The following GRID2IP variants were observed in gnomAD, a reference collection of about 807,000 sequenced individuals.
GRID2IP encodes the protein Grid2 interacting protein.
Under a neutral mutation model 114.3 loss-of-function variants are expected in GRID2IP, and 78 were observed. That is an observed-to-expected ratio of 0.68 (90% CI 0.57 to 0.82). GRID2IP has a LOEUF of 0.82. Among genes scored for constraint, GRID2IP ranks in the 40% least tolerant of loss-of-function variants. The probability of loss-of-function intolerance (pLI) is 0.00; values close to 1 mark genes in which losing one functional copy is unlikely to be tolerated. For missense variants in GRID2IP, 1,727 were observed against 1,678.5 expected (o/e 1.03, Z -0.51); for synonymous variants, 809 against 724.0 (o/e 1.12, Z -1.89).
In GRID2IP at chr7:6,551,085, G is replaced by A. The variant is rs1476348170; in HGVS notation, c.352C>T (p.Leu118Phe). The change falls in exon 1 of 22, where the codon CTT (leucine) becomes TTT (phenylalanine). Residue 118 changes from leucine (L) to phenylalanine (F), a missense_variant. By Grantham distance (22) the Leu-to-Phe change is conservative (BLOSUM62 0). Coordinates refer to ENST00000457091, the MANE Select transcript of GRID2IP (RefSeq NM_001145118.2). ...GRGLALGRELLRLAGRKRPDA... is the reference protein window; with the variant it reads ...GRGLALGRELFRLAGRKRPDA... ...GGGCGCTTGCGGCCGGCCAGGCGAA[G>A]CAGCTCACGGCCCAGAGCTAGGCCG... The A allele has an allele frequency of 5.3e-6, 7 of 1,315,936 alleles. No homozygotes were observed. The highest frequency in any genetic ancestry group is 1.5e-5 in the African/African-American group (1 of 64,780). 81.5% of individuals were successfully genotyped at this position (1,315,936 alleles called of 1,614,324 possible). A position where few individuals can be genotyped will look rare whatever the true frequency, so the allele number is the denominator to read the frequency against.
rs540293993 is a variant in GRID2IP at position 6,538,075 on chromosome 7, C to T, written c.584+1643G>A. On this transcript the variant is annotated intron_variant, in intron 2 of 21. Transcript: ENST00000457091. ...GAGGTCCTTGGCACACATTCATCAT[C>T]ATCACCAAAGGGTCGGGCACCGTGG... 1.6e-4 allele frequency among the ~76,000 whole-genome samples: 24 copies of T among 152,164 alleles called. 1 individual carries two copies. In the South Asian group the frequency reaches 3.9e-3, roughly 25 times the overall value.
At chr7:6,501,387 T>C (rs915658241) in intron 20 of GRID2IP, among the ~76,000 whole-genome samples, 5 of 151,908 alleles carry the variant, frequency 3.3e-5, no homozygotes, top group African/African-American at 1.2e-4. Flanking sequence ...AACAAATAAA[T>C]AAATAAATAA....
intron 10 of GRID2IP, 87 bp from the exon 11 acceptor site, chr7:6,510,487 G>C: frequency 7.6e-7 from 1 of 1,313,610 alleles, no homozygotes; most frequent in Non-Finnish European, 1.0e-6. Context: ...CGGGAGGCAG[G>C]GATATGCCCC....
intron 2 of GRID2IP, among the ~76,000 whole-genome samples, chr7:6,527,322 C>T (rs1035236299): frequency 2.0e-5 from 3 of 152,208 alleles, no homozygotes; most frequent in Non-Finnish European, 4.4e-5. Flanking sequence ...ACCTTCAGTC[C>T]TATCTCTAAG....
At chr7:6,542,806 G>A (rs1034940749) in intron 1 of GRID2IP, among the ~76,000 whole-genome samples, 1 of 152,110 alleles carries the variant, frequency 6.6e-6, no homozygotes, top group South Asian at 2.1e-4. Context: ...CCATCGAATT[G>A]CCCACATGTC....
At chr7:6,549,799 T>A (rs1219957452) in intron 1 of GRID2IP, among the ~76,000 whole-genome samples, 1 of 151,692 alleles carries the variant, frequency 6.6e-6, no homozygotes, top group Middle Eastern at 3.4e-3. Context: ...TTTTTTTTTT[T>A]TTTATATTTT....
rs1477405492 is a variant in GRID2IP at position 6,508,965 on chromosome 7, T to G, written c.2120A>C (p.Tyr707Ser). The G allele has an allele frequency of 6.5e-7, 1 of 1,546,806 alleles. No individual in the cohort carries two copies. Among genetic ancestry groups the G allele is most frequent in the Non-Finnish European group, 8.7e-7 (1 of 1,146,586 alleles). Reference protein sequence around the residue: ...VDDFLTPENDYEEMSFHDDQG... With the variant: ...VDDFLTPENDSEEMSFHDDQG... Reference sequence around the variant, plus strand: ...ACCTGCTTGCGTGCCCACCTCCTCGTAGTCGTTCTCCGGGGTCAGGAAATC... The same window carrying G: ...ACCTGCTTGCGTGCCCACCTCCTCGGAGTCGTTCTCCGGGGTCAGGAAATC... The change falls in exon 12 of 22, where the codon TAC becomes TCC. Residue 707 changes from tyrosine (Y) to serine (S), a missense_variant. Coordinates refer to ENST00000457091, the MANE Select transcript of GRID2IP (RefSeq NM_001145118.2). This position sits in a 1 kb window ranked among gnomAD's most constrained non-coding sequence, Gnocchi z 5.6.
chr7:6,550,976 T>TCCC, intron 1 of GRID2IP, 32 bp downstream of exon 1: 9 of 1,015,778 alleles, frequency 8.9e-6, no homozygotes, highest in East Asian at 3.8e-5. Flanking sequence ...GCCCCCTCCT[T>TCCC]CCCGCCCCCA....
In GRID2IP at chr7:6,520,057, C is replaced by T. The variant is rs1779384313; in HGVS notation, c.1268+521G>A. ...TTGGGAGGCCGAGGCGGGCAGATCA[C>T]GAGGTCAGGAGTTTGAGACCAGCCT... On this transcript the variant is annotated intron_variant, in intron 7 of 21. Transcript: ENST00000457091. The surrounding 1 kb of genome is among the most constrained non-coding windows in gnomAD (Gnocchi z 4.6). 6.6e-6 allele frequency among the ~76,000 whole-genome samples: 1 copy of T among 151,824 alleles called. No homozygotes were observed. Among genetic ancestry groups the T allele is most frequent in the Non-Finnish European group, 1.5e-5 (1 of 67,948 alleles).
intron 1 of GRID2IP, among the ~76,000 whole-genome samples, chr7:6,540,262 G>A (rs983983917): frequency 7.9e-5 from 12 of 151,800 alleles, no homozygotes; most frequent in Non-Finnish European, 1.5e-4. Context: ...ACAGGCATGC[G>A]CCACCACGCC....
chr7:6,515,895 G>A (rs761221759), intron 7 of GRID2IP, among the ~76,000 whole-genome samples: 1 of 151,626 alleles, frequency 6.6e-6, no homozygotes, highest in Admixed American at 6.6e-5. Flanking sequence ...TCAGGAGTTC[G>A]AGACCAGTCT....
Position 6,520,200 on chromosome 7 carries a change from A to G in GRID2IP, c.1268+378T>C, listed in dbSNP as rs1211734834. Reference sequence around the variant, plus strand: ...CCCAGCTACTCGGAGGCTGAGGCAGAAGAATCGCTTGAACCCAGGAGGCGG... The same window carrying G: ...CCCAGCTACTCGGAGGCTGAGGCAGGAGAATCGCTTGAACCCAGGAGGCGG... On this transcript the variant is annotated intron_variant, in intron 7 of 21. Transcript: ENST00000457091. The surrounding 1 kb of genome is among the most constrained non-coding windows in gnomAD (Gnocchi z 4.6). Among the ~76,000 whole-genome samples the G allele has an allele frequency of 1.3e-5, 2 of 152,038 alleles. No individual in the cohort carries two copies. The highest frequency in any genetic ancestry group is 2.9e-5 in the Non-Finnish European group (2 of 67,992).
At chr7:6,527,262 C>T (rs576930256) in intron 2 of GRID2IP, among the ~76,000 whole-genome samples, 2 of 152,278 alleles carry the variant, frequency 1.3e-5, no homozygotes, top group Admixed American at 1.3e-4. Flanking sequence ...TCTGTCCAGG[C>T]CCATCTGCAG....
rs764875161 is a variant in GRID2IP at position 6,503,515 on chromosome 7, G to T, written c.2883C>A (p.Ser961Arg). 6.6e-7 allele frequency: 1 copy of T among 1,525,726 alleles called. No homozygotes were observed. Among genetic ancestry groups the T allele is most frequent in the African/African-American group, 1.4e-5 (1 of 71,464 alleles). The allele number at this position is 1,525,726 out of a possible 1,614,324, so 94.5% of individuals were successfully genotyped here. A position where few individuals can be genotyped will look rare whatever the true frequency, so the allele number is the denominator to read the frequency against. Reference sequence around the variant, plus strand: ...CCTGCAGGACGAACTGGTCCGGCTCGCTGAGGCGGCCGGGCGCCTCGCGGA... The same window carrying T: ...CCTGCAGGACGAACTGGTCCGGCTCTCTGAGGCGGCCGGGCGCCTCGCGGA... ...QAFREAPGRL[S>R]EPDQFVLQML... The change falls in exon 16 of 22, where the codon AGC becomes AGA. Residue 961 changes from serine to arginine, a missense_variant. Ser to Arg is a moderately radical substitution (Grantham distance 110, BLOSUM62 -1). Coordinates refer to ENST00000457091, the MANE Select transcript of GRID2IP (RefSeq NM_001145118.2).
rs1779403338 is a variant in GRID2IP, at chr7:6,521,131, CAGCT to C, written c.1084+294_1084+297del. Among the ~76,000 whole-genome samples the C allele has an allele frequency of 1.3e-5, 2 of 152,128 alleles. No homozygotes were observed. The highest frequency in any genetic ancestry group is 2.1e-4 in the South Asian group (1 of 4,830). ...GACTACAGGCACGTGCCATCACGCC[CAGCT>C]AGTTTTTGTATTTTTAGTAGAGACA... is the stretch of plus-strand genomic sequence containing the variant. On this transcript the variant is annotated intron_variant, in intron 6 of 21. Coordinates refer to ENST00000457091, the MANE Select transcript of GRID2IP (RefSeq NM_001145118.2). The surrounding 1 kb of genome is among the most constrained non-coding windows in gnomAD (Gnocchi z 4.1).
intron 1 of GRID2IP, among the ~76,000 whole-genome samples, chr7:6,541,425 T>C (rs1464738875): frequency 6.6e-6 from 1 of 152,194 alleles, no homozygotes; most frequent in East Asian, 1.9e-4. Flanking sequence ...CAGAACATTC[T>C]GACTCCACAA....
At chr7:6,550,974 C>CGG in intron 1 of GRID2IP, 34 bp downstream of exon 1, 4 of 1,139,128 alleles carry the variant, frequency 3.5e-6, no homozygotes, top group African/African-American at 1.6e-5. Context: ...GAGCCCCCTC[C>CGG]TTCCCGCCCC....
chr7:6,524,603 C>T (rs894408518), intron 4 of GRID2IP, among the ~76,000 whole-genome samples: 5 of 152,114 alleles, frequency 3.3e-5, no homozygotes, highest in Middle Eastern at 6.3e-3. Context: ...CGCCTGTAAT[C>T]CCAACATTTA....
intron 2 of GRID2IP, among the ~76,000 whole-genome samples, chr7:6,527,854 G>C (rs1159606644): frequency 6.6e-6 from 1 of 151,128 alleles, no homozygotes; most frequent in Non-Finnish European, 1.5e-5. Flanking sequence ...CACCTCCCCA[G>C]TTCAAGCAAT....
Sources: allele counts gnomAD v4.1 joint callset (sites outside exome capture counted in the v4.1 genomes callset), GRCh38; gene constraint gnomAD v4.1.1; non-coding constraint Gnocchi (gnomAD v3.1); transcripts MANE v1.5; gene names NCBI Gene and HGNC (gene_info 2026-07-23, HGNC 2026-07-21).